The following SEMA4B variants were observed in gnomAD, a reference collection of about 807,000 sequenced individuals.
SEMA4B encodes semaphorin 4B, also known as semaphorin-4B.
SEMA4B carries 55 observed loss-of-function variants against 88.1 expected under a neutral mutation model. That is an observed-to-expected ratio of 0.62 (90% CI 0.50 to 0.78). SEMA4B has a LOEUF of 0.78. SEMA4B is among the 30% of genes least tolerant of loss of function. The pLI is 0.00. For synonymous variants in SEMA4B, 525 were observed against 473.6 expected, an observed-to-expected ratio of 1.11 and a Z score of -1.41; for missense variants, 1,062 against 1,111.9, an observed-to-expected ratio of 0.96 and a Z score of 0.64.
At chr15:90,227,244 C>T (rs914409869) in intron 12 of SEMA4B, 1 of 310,680 alleles carries the variant, frequency 3.2e-6, no homozygotes, top group South Asian at 4.8e-5. Flanking sequence ...GATGGGGTCT[C>T]GCTATGTTGC....
rs775718931 is a variant in SEMA4B, at chr15:90,228,457, G to A, written c.2328G>A (p.Gly776=). 6.2e-7 allele frequency: 1 copy of A among 1,610,534 alleles called. No individual in the cohort carries two copies. Among genetic ancestry groups the A allele is most frequent in the Non-Finnish European group, 8.5e-7 (1 of 1,178,900 alleles). The change falls in exon 14 of 14, where the codon GGG becomes GGA. Residue 776 remains glycine (G), a synonymous_variant. Coordinates refer to ENST00000411539, the MANE Select transcript of SEMA4B (RefSeq NM_198925.4). ...PPETRPLNGL[G]PPSTPLDHRG... ...AGACCCGCCCACTCAACGGCCTAGGGCCCCCTAGCACCCCGCTCGATCACC... is the reference window on the plus strand; with the variant it reads ...AGACCCGCCCACTCAACGGCCTAGGACCCCCTAGCACCCCGCTCGATCACC...
chr15:90,195,016 A>G (rs1001358129), intron 1 of SEMA4B, among the ~76,000 whole-genome samples: 3 of 152,036 alleles, frequency 2.0e-5, no homozygotes, highest in African/African-American at 7.3e-5. Flanking sequence ...TACACAGTCC[A>G]TATTAAAATT....
intron 1 of SEMA4B, among the ~76,000 whole-genome samples, chr15:90,208,873 C>G (rs1315687854): frequency 6.6e-6 from 1 of 152,026 alleles, no homozygotes; most frequent in African/African-American, 2.4e-5. Context: ...TCCTGAGTAG[C>G]TGGGACCTCA....
At chr15:90,194,996 TATC>T (rs1325160279) in intron 1 of SEMA4B, among the ~76,000 whole-genome samples, 1 of 151,874 alleles carries the variant, frequency 6.6e-6, no homozygotes, top group Non-Finnish European at 1.5e-5. Context: ...AATGCCATAA[TATC>T]ATCTAATACA....
chr15:90,225,747 C>T lies in SEMA4B; in HGVS notation c.1608C>T (p.Leu536=). 1 of 1,576,656 alleles carries T rather than the reference C, an allele frequency of 6.3e-7. No individual in the cohort carries two copies. Among genetic ancestry groups the T allele is most frequent in the Admixed American group, 1.8e-5 (1 of 55,668 alleles). ...TGTACAGGAGCTGTGGGGACTGCCTCCTCGCCCGGGACCCCTACTGTGCTT... is the reference window on the plus strand; with the variant it reads ...TGTACAGGAGCTGTGGGGACTGCCTTCTCGCCCGGGACCCCTACTGTGCTT... ...CSLYRSCGDC[L]LARDPYCAWS... The change falls in exon 12 of 14, where the codon CTC becomes CTT. Residue 536 remains leucine (L), a synonymous_variant. Transcript: ENST00000411539.
chr15:90,210,983 G>A (rs1251303393), intron 1 of SEMA4B, among the ~76,000 whole-genome samples: 1 of 152,200 alleles, frequency 6.6e-6, no homozygotes, highest in Non-Finnish European at 1.5e-5. Context: ...AGGTAGAGTT[G>A]GTGACATAGG....
chr15:90,198,779 T>C (rs1960598651), upstream of SEMA4B, among the ~76,000 whole-genome samples: 2 of 152,166 alleles, frequency 1.3e-5, no homozygotes, highest in Non-Finnish European at 2.9e-5. Flanking sequence ...TGGAGGGCTT[T>C]GCAGACCACT....
intron 1 of SEMA4B, among the ~76,000 whole-genome samples, chr15:90,188,650 T>C (rs934452381): frequency 6.6e-6 from 1 of 151,496 alleles, no homozygotes; most frequent in South Asian, 2.1e-4. Context: ...TAAATAAAAA[T>C]AAATGTAGAT....
At chr15:90,205,962 C>G (rs989012359) in intron 1 of SEMA4B, among the ~76,000 whole-genome samples, 2 of 152,228 alleles carry the variant, frequency 1.3e-5, no homozygotes, top group African/African-American at 4.8e-5. Context: ...CCTGCCTGCC[C>G]TTCACTGGTT....
At chr15:90,195,938 C>CTTTTTTTTTTTTGT (rs10530160) in intron 1 of SEMA4B, among the ~76,000 whole-genome samples, 1 of 128,418 alleles carries the variant, frequency 7.8e-6, no homozygotes, top group Non-Finnish European at 1.7e-5. Flanking sequence ...TTTTTTTTTT[C>CTTTTTTTTTTTTGT]GAGACGGAGT....
intron 4 of SEMA4B, chr15:90,220,254 C>A (rs958249721): frequency 2.0e-5 from 4 of 200,658 alleles, no homozygotes; most frequent in Non-Finnish European, 2.0e-5. Context: ...CAGAGGGTGG[C>A]ATTTGATGCT....
intron 1 of SEMA4B, among the ~76,000 whole-genome samples, chr15:90,211,102 G>C (rs1419861581): frequency 6.6e-6 from 1 of 152,198 alleles, no homozygotes; most frequent in Non-Finnish European, 1.5e-5. Context: ...GGCAGACCCA[G>C]GGCAGAGGCC....
In SEMA4B at chr15:90,228,987, C is replaced by T. The variant is rs556997099; in HGVS notation, c.*344C>T. On this transcript the variant is annotated 3_prime_UTR_variant, in exon 14 of 14. Coordinates refer to ENST00000411539, the MANE Select transcript of SEMA4B (RefSeq NM_198925.4). ...GAGATAGCATGGCATGCAGCACACACGGCTGCTCCAGTTCATGGCCTCCCA... is the reference window on the plus strand; with the variant it reads ...GAGATAGCATGGCATGCAGCACACATGGCTGCTCCAGTTCATGGCCTCCCA... The T allele has an allele frequency of 7.5e-5, 30 of 398,682 alleles. No homozygotes were observed. The Middle Eastern group carries it at 1.7e-3, about 23-fold the overall frequency. 24.7% of individuals were successfully genotyped at this position (398,682 alleles called of 1,614,324 possible).
At chr15:90,201,294 C>G (rs1596126069), upstream of SEMA4B, 2 of 1,120,748 alleles carry the variant, frequency 1.8e-6, no homozygotes, top group Non-Finnish European at 2.2e-6. Flanking sequence ...CGGCCGGGCT[C>G]ACGGCCGACT....
chr15:90,217,413 G>A, intron 1 of SEMA4B, 26 bp from the exon 2 acceptor site: 1 of 1,603,962 alleles, frequency 6.2e-7, no homozygotes, highest in Non-Finnish European at 8.5e-7. Context: ...GGTGGCCCCA[G>A]GTAATACCCA....
At chr15:90,202,964 A>G (rs1426619047) in intron 1 of SEMA4B, among the ~76,000 whole-genome samples, 1 of 152,212 alleles carries the variant, frequency 6.6e-6, no homozygotes, top group East Asian at 1.9e-4. Context: ...ACCTGGGTTC[A>G]AATGCTACCT....
At chr15:90,226,265 T>A (rs1411810938) in intron 12 of SEMA4B, among the ~76,000 whole-genome samples, 1 of 152,220 alleles carries the variant, frequency 6.6e-6, no homozygotes, top group Non-Finnish European at 1.5e-5. Flanking sequence ...AGAATCGCAG[T>A]GAGATTTTGA....
chr15:90,185,743 AAAAAGTTTTTTTCCC>A (rs1960145769), intron 1 of SEMA4B, among the ~76,000 whole-genome samples: 1 of 152,160 alleles, frequency 6.6e-6, no homozygotes, highest in East Asian at 1.9e-4. Flanking sequence ...ACAAACTTTT[AAAAAGTTTTTTTCCC>A]CATAATGCCT....
intron 1 of SEMA4B, among the ~76,000 whole-genome samples, chr15:90,194,231 C>T (rs1051546931): frequency 2.0e-5 from 3 of 152,050 alleles, no homozygotes; most frequent in East Asian, 3.9e-4. Flanking sequence ...GTTGTTCAGC[C>T]TATAAAAGAT....
Sources: gnomAD v4.1 joint callset for allele counts (sites outside exome capture counted in the v4.1 genomes callset) on GRCh38, gnomAD v4.1.1 for gene constraint, MANE v1.5 for transcripts, NCBI Gene and HGNC (gene_info 2026-07-23, HGNC 2026-07-21) for gene names.